SCGB2B2: variants seen among roughly 807,000 people sequenced by gnomAD.
SCGB2B2 encodes the protein secretoglobin-like protein.
In SCGB2B2, 11 loss-of-function variants were observed where a neutral mutation model predicts 7.6. The observed-to-expected ratio is 1.45, with a 90% CI of 0.91 to 2.40. The LOEUF is 2.40. Among genes scored for constraint, SCGB2B2 ranks in the 30% most tolerant of loss-of-function variants. The probability of loss-of-function intolerance (pLI) is 0.00; values close to 1 mark genes in which losing one functional copy is unlikely to be tolerated. For missense variants in SCGB2B2, 104 were observed against 115.4 expected (o/e 0.90, Z 0.45); for synonymous variants, 50 against 48.6 (o/e 1.03, Z -0.12).
chr19:34,599,858 T>C (rs1472538942), intron 1 of SCGB2B2, among the ~76,000 whole-genome samples: 1 of 152,060 alleles, frequency 6.6e-6, no homozygotes, highest in Non-Finnish European at 1.5e-5. Flanking sequence ...TGACCTCTAA[T>C]CATCTTTTTA....
intron 1 of SCGB2B2, among the ~76,000 whole-genome samples, chr19:34,618,038 T>C (rs1271860273): frequency 6.6e-6 from 1 of 152,194 alleles, no homozygotes; most frequent in Non-Finnish European, 1.5e-5. Flanking sequence ...TGTCTGGCAC[T>C]CCCTAGTGAG....
intron 1 of SCGB2B2, among the ~76,000 whole-genome samples, chr19:34,611,150 G>GTGA (rs78506291): frequency 3.6e-3 from 542 of 152,198 alleles, no homozygotes; most frequent in Non-Finnish European, 5.6e-3. Flanking sequence ...TTGTGTTTGT[G>GTGA]TGATATCAGT....
At position 34,594,691 on chromosome 19, in the gene SCGB2B2, G is replaced by A; in HGVS notation, c.-128C>T. On this transcript the variant is annotated 5_prime_UTR_variant, in exon 2 of 4. Coordinates refer to ENST00000601241, the MANE Select transcript of SCGB2B2 (RefSeq NM_001025591.4). ...TGTGTGTGTGTGTGTGTGTGTGTGTGTGTGTGTGTGTGAATGTGGTCAGGG... is the reference window on the plus strand; with the variant it reads ...TGTGTGTGTGTGTGTGTGTGTGTGTATGTGTGTGTGTGAATGTGGTCAGGG... 3 of 730,768 alleles carry A rather than the reference G, an allele frequency of 4.1e-6. No homozygotes were observed. The highest frequency in any genetic ancestry group is 1.7e-5 in the South Asian group (1 of 58,314). 45.3% of individuals were successfully genotyped at this position (730,768 alleles called of 1,614,324 possible).
At chr19:34,674,282 C>T (rs1306905015) in intron 1 of SCGB2B2, among the ~76,000 whole-genome samples, 1 of 152,098 alleles carries the variant, frequency 6.6e-6, no homozygotes, top group Non-Finnish European at 1.5e-5. Flanking sequence ...CTGGTCTTGT[C>T]TGAAAGGAAA....
intron 1 of SCGB2B2, among the ~76,000 whole-genome samples, chr19:34,602,027 G>C (rs2065640106): frequency 6.6e-6 from 1 of 152,096 alleles, no homozygotes; most frequent in African/African-American, 2.4e-5. Context: ...AGATTCAAAA[G>C]GATAGCTTTT....
At chr19:34,674,381 C>CA (rs1283869214) in intron 1 of SCGB2B2, among the ~76,000 whole-genome samples, 2 of 151,804 alleles carry the variant, frequency 1.3e-5, no homozygotes, top group Non-Finnish European at 2.9e-5. Flanking sequence ...AGATAACCAA[C>CA]AAAAAAGGAA....
intron 1 of SCGB2B2, among the ~76,000 whole-genome samples, chr19:34,600,721 C>G (rs1255273290): frequency 6.6e-6 from 1 of 152,022 alleles, no homozygotes; most frequent in African/African-American, 2.4e-5. Context: ...ATGTTCTTTT[C>G]TATTTTTTCC....
intron 1 of SCGB2B2, chr19:34,645,535 GACACAGACAC>G (rs1452138321): frequency 1.1e-3 from 158 of 138,522 alleles, no homozygotes; most frequent in African/African-American, 3.0e-3. Context: ...GACACACACA[GACACAGACAC>G]ACACACACAC....
chr19:34,591,479 G>A lies in SCGB2B2; in HGVS notation c.*2076C>T, dbSNP rs944963511. The stretch of plus-strand genomic sequence containing the variant: ...ACAGGGACTCCCAGTTGGTCTTCCT[G>A]CCTCTACTGCCGCCCCCGTTGCTCT... On this transcript the variant is annotated 3_prime_UTR_variant, in exon 4 of 4. Coordinates refer to ENST00000601241, the MANE Select transcript of SCGB2B2 (RefSeq NM_001025591.4). Among the ~76,000 whole-genome samples the A allele has an allele frequency of 1.3e-5, 2 of 152,164 alleles. No homozygotes were observed. The highest frequency in any genetic ancestry group is 4.1e-4 in the South Asian group (2 of 4,824).
chr19:34,613,367 G>A (rs142440107), intron 1 of SCGB2B2, among the ~76,000 whole-genome samples: 1 of 152,296 alleles, frequency 6.6e-6, no homozygotes, highest in African/African-American at 2.4e-5. Flanking sequence ...CCAAAGTGCT[G>A]GGATTACAGG....
intron 1 of SCGB2B2, among the ~76,000 whole-genome samples, chr19:34,661,422 T>A (rs188077708): frequency 6.6e-6 from 1 of 152,220 alleles, no homozygotes; most frequent in Admixed American, 6.5e-5. Context: ...AAATTTCAGT[T>A]CTCTCCAAAT....
intron 1 of SCGB2B2, chr19:34,635,259 C>T (rs555660260): frequency 4.9e-5 from 14 of 284,090 alleles, no homozygotes; most frequent in African/African-American, 2.7e-4. Context: ...ATTTGCTGCA[C>T]TCCAGTGTGG....
intron 1 of SCGB2B2, chr19:34,608,798 T>C (rs2065853476): frequency 6.6e-6 from 1 of 151,196 alleles, no homozygotes. Flanking sequence ...TGTGCAGATA[T>C]GTCTTCGATA....
chr19:34,619,620 A>T (rs1421988461), intron 1 of SCGB2B2, among the ~76,000 whole-genome samples: 1 of 152,190 alleles, frequency 6.6e-6, no homozygotes, highest in Non-Finnish European at 1.5e-5. Flanking sequence ...AGCTGTCCAC[A>T]AAGAGGAAAG....
In SCGB2B2 at chr19:34,645,735, C is replaced by T. The variant is rs750501255; in HGVS notation, c.-2032+29895G>A. On this transcript the variant is annotated intron_variant, in intron 1 of 3. Coordinates refer to ENST00000601241, the MANE Select transcript of SCGB2B2 (RefSeq NM_001025591.4). Reference sequence around the variant, plus strand: ...AGCGTCCAGCTGGGTGAGAAAGAAGCGGGCAGGGCTGAGAGGAAACAGGTG... The same window carrying T: ...AGCGTCCAGCTGGGTGAGAAAGAAGTGGGCAGGGCTGAGAGGAAACAGGTG... 4.4e-5 allele frequency: 17 copies of T among 388,456 alleles called. No individual in the cohort carries two copies. The East Asian group carries it at 1.2e-3, about 26-fold the overall frequency. 24.1% of individuals were successfully genotyped at this position (388,456 alleles called of 1,614,324 possible). A position where few individuals can be genotyped will look rare whatever the true frequency, so the allele number is the denominator to read the frequency against.
Position 34,594,885 on chromosome 19 carries a change from G to A in SCGB2B2, c.-322C>T. 1 of 400,996 alleles carries A rather than the reference G, an allele frequency of 2.5e-6. No individual in the cohort carries two copies. Among genetic ancestry groups the A allele is most frequent in the East Asian group, 4.9e-5 (1 of 20,596 alleles). 24.8% of individuals were successfully genotyped at this position (400,996 alleles called of 1,614,324 possible). On this transcript the variant is annotated 5_prime_UTR_variant, in exon 2 of 4. Coordinates refer to ENST00000601241, the MANE Select transcript of SCGB2B2 (RefSeq NM_001025591.4). ...GCTGAACACTGGTGTAAGCCTGCAA[G>A]TCTGAGTGTGCATGCACATGTGACC... is the stretch of plus-strand genomic sequence containing the variant.
chr19:34,644,655 G>A (rs1420576660), intron 1 of SCGB2B2, among the ~76,000 whole-genome samples: 3 of 151,956 alleles, frequency 2.0e-5, no homozygotes, highest in Non-Finnish European at 4.4e-5. Flanking sequence ...GTCCTTTTGC[G>A]TCTGGCTTAT....
intron 1 of SCGB2B2, among the ~76,000 whole-genome samples, chr19:34,627,753 G>T (rs1437118585): frequency 6.6e-6 from 1 of 152,094 alleles, no homozygotes; most frequent in African/African-American, 2.4e-5. Context: ...ATTCAACTCC[G>T]CTCTGCACCA....
In SCGB2B2 at chr19:34,630,314, G is replaced by C. The variant is rs893718481; in HGVS notation, c.-2031-33720C>G. 2.0e-4 allele frequency among the ~76,000 whole-genome samples: 30 copies of C among 151,990 alleles called. 1 individual carries two copies. Among genetic ancestry groups the C allele is most frequent in the Non-Finnish European group, 2.2e-4 (15 of 67,922 alleles). On this transcript the variant is annotated intron_variant, in intron 1 of 3. Transcript: ENST00000601241. ...TGCACAGCAAAAGAAACTACCATCA[G>C]AGTGAACAGGCAACCTACAAAATGG... is the stretch of plus-strand genomic sequence containing the variant.
Sources: allele counts gnomAD v4.1 joint callset (sites outside exome capture counted in the v4.1 genomes callset), GRCh38; gene constraint gnomAD v4.1.1; transcripts MANE v1.5; gene names NCBI Gene and HGNC (gene_info 2026-07-23, HGNC 2026-07-21).